The following LRP1B variants were observed in gnomAD, a reference collection of about 807,000 sequenced individuals.
The protein encoded by LRP1B is LDL receptor related protein 1B, also known as low-density lipoprotein receptor-related protein 1B.
A neutral mutation model predicts 556.6 loss-of-function variants in LRP1B; 217 were observed. That is an observed-to-expected ratio of 0.39 (90% CI 0.35 to 0.44). The LOEUF is 0.44. Among genes scored for constraint, LRP1B ranks in the 20% least tolerant of loss-of-function variants. The pLI, the probability that LRP1B is intolerant of heterozygous loss-of-function variation, is 1.00. For synonymous variants in LRP1B, 2,047 were observed against 1,865.8 expected (o/e 1.10, Z -2.50); for missense variants, 5,053 against 5,620.8 (o/e 0.90, Z 3.23).
chr2:141,143,231 C>A (rs1379909830), intron 7 of LRP1B, among the ~76,000 whole-genome samples: 2 of 152,070 alleles, frequency 1.3e-5, no homozygotes, highest in African/African-American at 4.8e-5. Flanking sequence ...ACCCAGAGAT[C>A]ATCTGATTCT....
rs1026832461 is a variant in LRP1B, at chr2:141,277,295, G to A, written c.344-22654C>T. 1.6e-4 allele frequency among the ~76,000 whole-genome samples: 25 copies of A among 152,248 alleles called. No homozygotes were observed. In the East Asian group the frequency reaches 4.3e-3, roughly 26 times the overall value. On this transcript the variant is annotated intron_variant, in intron 3 of 90. Transcript: ENST00000389484. ...TTCCCTTTTCACCACAGTCTTGCCA[G>A]AATCTGTTATTTTTAGGCTTTTTAA...
At chr2:140,815,087 T>C (rs1691065249) in intron 31 of LRP1B, among the ~76,000 whole-genome samples, 1 of 151,808 alleles carries the variant, frequency 6.6e-6, no homozygotes, top group African/African-American at 2.4e-5. Context: ...CAACCAACTG[T>C]TCCTGGGATC....
In LRP1B at chr2:140,350,995, G is replaced by T; in HGVS notation, c.11694C>A (p.Ile3898=). The change falls in exon 77 of 91, where the codon ATC becomes ATA. Residue 3898 remains isoleucine (I), a synonymous_variant. Coordinates refer to ENST00000389484, the MANE Select transcript of LRP1B (RefSeq NM_018557.3). ...QVLYIANDTD[I]LGFIYPFNYS... is the part of the protein sequence containing the mutation. Reference sequence around the variant, plus strand: ...AGTTGAATGGATATATAAAACCCAGGATATCAGTGTCATTAGCAATGTAGA... The same window carrying T: ...AGTTGAATGGATATATAAAACCCAGTATATCAGTGTCATTAGCAATGTAGA... The T allele has an allele frequency of 6.2e-7, 1 of 1,601,368 alleles. No homozygotes were observed. Among genetic ancestry groups the T allele is most frequent in the South Asian group, 1.1e-5 (1 of 90,504 alleles).
At chr2:141,204,633 A>C (rs1318924189) in intron 6 of LRP1B, among the ~76,000 whole-genome samples, 1 of 152,216 alleles carries the variant, frequency 6.6e-6, no homozygotes, top group East Asian at 1.9e-4. Flanking sequence ...ATTTATACAT[A>C]ATAATTGCCA....
At chr2:141,391,313 G>T (rs1355940108) in intron 3 of LRP1B, among the ~76,000 whole-genome samples, 1 of 152,022 alleles carries the variant, frequency 6.6e-6, no homozygotes, top group African/African-American at 2.4e-5. Context: ...ACAAATGAGT[G>T]AATGAAAAAA....
chr2:141,197,719 T>C (rs982791), intron 6 of LRP1B, among the ~76,000 whole-genome samples: 4,782 of 152,074 alleles, frequency 0.031, 263 homozygotes, highest in African/African-American at 0.11. Flanking sequence ...AGGAGGGAAA[T>C]ATGGTAACTT....
At chr2:140,524,228 T>C (rs552534958) in intron 49 of LRP1B, among the ~76,000 whole-genome samples, 1 of 151,890 alleles carries the variant, frequency 6.6e-6, no homozygotes, top group Admixed American at 6.6e-5. Context: ...AAAAAAGTGC[T>C]CAATATCACT....
intron 25 of LRP1B, among the ~76,000 whole-genome samples, chr2:140,874,291 T>A (rs1693234435): frequency 6.6e-6 from 1 of 152,148 alleles, no homozygotes; most frequent in African/African-American, 2.4e-5. Context: ...GATTTTTTTT[T>A]AACACAAAGT....
chr2:140,534,225 A>G (rs1690848466), intron 46 of LRP1B, 85 bp from the exon 47 acceptor site: 2 of 1,238,904 alleles, frequency 1.6e-6, no homozygotes, highest in Non-Finnish European at 1.1e-6. Context: ...TATTTCATTC[A>G]TAATGACTGG....
At chr2:142,086,065 T>C (rs942886452) in intron 1 of LRP1B, among the ~76,000 whole-genome samples, 1 of 152,174 alleles carries the variant, frequency 6.6e-6, no homozygotes, top group Non-Finnish European at 1.5e-5. Context: ...TCTAAAGAAA[T>C]AAAAAGTTGC....
intron 21 of LRP1B, among the ~76,000 whole-genome samples, chr2:140,915,408 G>T (rs138270139): frequency 0.024 from 3,614 of 151,646 alleles, 131 homozygotes; most frequent in African/African-American, 0.083. Flanking sequence ...CAGCACTTTG[G>T]GAAGCCGAGG....
intron 2 of LRP1B, among the ~76,000 whole-genome samples, chr2:141,688,785 T>G (rs1445574436): frequency 1.3e-5 from 2 of 151,864 alleles, no homozygotes; most frequent in Non-Finnish European, 2.9e-5. Flanking sequence ...CCGTTTCAAT[T>G]GAGAAGTCAT....
intron 2 of LRP1B, among the ~76,000 whole-genome samples, chr2:141,664,542 C>T (rs1690348687): frequency 6.6e-6 from 1 of 152,136 alleles, no homozygotes; most frequent in Non-Finnish European, 1.5e-5. Context: ...GCAAAAGTCA[C>T]AAGCATTCCA....
chr2:140,568,957 T>C (rs1349439304), intron 43 of LRP1B, among the ~76,000 whole-genome samples: 1 of 152,052 alleles, frequency 6.6e-6, no homozygotes, highest in Admixed American at 6.6e-5. Flanking sequence ...GAATTCATTA[T>C]CACCAGACCA....
intron 18 of LRP1B, among the ~76,000 whole-genome samples, chr2:140,961,020 A>C (rs572617581): frequency 1.3e-5 from 2 of 151,544 alleles, no homozygotes; most frequent in South Asian, 2.1e-4. Flanking sequence ...TAGTTAATAC[A>C]ATTAACTACT....
intron 2 of LRP1B, among the ~76,000 whole-genome samples, chr2:141,701,302 C>T (rs1691931092): frequency 6.6e-6 from 1 of 151,880 alleles, no homozygotes; most frequent in South Asian, 2.1e-4. Context: ...GATCCCTGAA[C>T]ACATCACTCA....
chr2:140,646,659 C>CTT (rs996098732), intron 41 of LRP1B, among the ~76,000 whole-genome samples: 1 of 151,942 alleles, frequency 6.6e-6, no homozygotes, highest in Non-Finnish European at 1.5e-5. Flanking sequence ...AAACTGTTAG[C>CTT]TTTTTAAGGT....
At chr2:141,270,839 G>A (rs1019707996) in intron 3 of LRP1B, among the ~76,000 whole-genome samples, 1 of 151,956 alleles carries the variant, frequency 6.6e-6, no homozygotes, top group Non-Finnish European at 1.5e-5. Context: ...GTTTCAGTAT[G>A]AGAAGATAAA....
intron 1 of LRP1B, among the ~76,000 whole-genome samples, chr2:141,871,436 G>A: frequency 6.6e-6 from 1 of 151,826 alleles, no homozygotes; most frequent in East Asian, 1.9e-4. Context: ...AATCTAATAG[G>A]CAAAAACTGT....
Sources: gnomAD v4.1 joint callset for allele counts (sites outside exome capture counted in the v4.1 genomes callset) on GRCh38, gnomAD v4.1.1 for gene constraint, MANE v1.5 for transcripts, NCBI Gene and HGNC (gene_info 2026-07-23, HGNC 2026-07-21) for gene names.